The following PRELID2 variants were observed in gnomAD, a reference collection of about 807,000 sequenced individuals.
PRELID2 encodes PRELI domain-containing protein 2.
A neutral mutation model predicts 28.4 loss-of-function variants in PRELID2; 25 were observed. The ratio of observed to expected loss-of-function variants is 0.88; its 90% CI spans 0.64 to 1.23. PRELID2 has a LOEUF of 1.23. PRELID2 is among the 50% of genes most tolerant of loss of function. The pLI is 0.00. For missense variants in PRELID2, 201 were observed against 214.4 expected, an observed-to-expected ratio of 0.94 and a Z score of 0.39; for synonymous variants, 76 against 71.6, an observed-to-expected ratio of 1.06 and a Z score of -0.31.
chr5:145,319,748 C>T, the PRELID2 span, among the ~76,000 whole-genome samples: 7 of 151,660 alleles, frequency 4.6e-5, no homozygotes, highest in African/African-American at 1.7e-4. Context: ...AAAGTAACTC[C>T]ACCGATGATT....
the PRELID2 span, among the ~76,000 whole-genome samples, chr5:145,454,109 C>A: frequency 6.6e-6 from 1 of 152,282 alleles, no homozygotes. Flanking sequence ...TATTTCTCCA[C>A]ATCCTCTCCA....
chr5:145,750,610 T>C (rs1465180653), intron 1 of PRELID2, among the ~76,000 whole-genome samples: 1 of 152,216 alleles, frequency 6.6e-6, no homozygotes, highest in East Asian at 1.9e-4. Flanking sequence ...GACCAGGATA[T>C]GCTATTTCAA....
the PRELID2 span, among the ~76,000 whole-genome samples, chr5:145,317,146 G>A: frequency 6.6e-6 from 1 of 152,174 alleles, no homozygotes; most frequent in Non-Finnish European, 1.5e-5. Flanking sequence ...GCAATTTCTT[G>A]TGTTTGTCCA....
the PRELID2 span, among the ~76,000 whole-genome samples, chr5:145,434,760 G>C: frequency 9.9e-5 from 15 of 152,184 alleles, no homozygotes; most frequent in Non-Finnish European, 2.1e-4. Context: ...GTAGTGAATA[G>C]AAGAATATAT....
chr5:145,297,747 A>G, the PRELID2 span, among the ~76,000 whole-genome samples: 1 of 152,210 alleles, frequency 6.6e-6, no homozygotes, highest in East Asian at 1.9e-4. Context: ...AATCTCCTTA[A>G]GCTGATAAGC....
chr5:145,584,278 A>G lies in PRELID2; in HGVS notation n.71-110963T>C, dbSNP rs1038674950. On this transcript the variant is annotated intron_variant and non_coding_transcript_variant, in intron 1 of 2. Transcript: ENST00000510259. ...TGGACCCCTTTCTTACACCTTATACAAAAATTAACTCAAGACAGATTAAAG... is the reference window on the plus strand; with the variant it reads ...TGGACCCCTTTCTTACACCTTATACGAAAATTAACTCAAGACAGATTAAAG... Among the ~76,000 whole-genome samples the G allele has an allele frequency of 1.1e-4, 17 of 152,148 alleles. No homozygotes were observed. In the South Asian group the frequency reaches 3.5e-3, roughly 31 times the overall value.
chr5:145,436,730 A>G, the PRELID2 span, among the ~76,000 whole-genome samples: 1 of 152,174 alleles, frequency 6.6e-6, no homozygotes, highest in Non-Finnish European at 1.5e-5. Flanking sequence ...AGAATCCTGA[A>G]TGTGTGTAAG....
At chr5:145,830,616 ACT>A (rs1755518946) in intron 1 of PRELID2, among the ~76,000 whole-genome samples, 1 of 152,214 alleles carries the variant, frequency 6.6e-6, no homozygotes, top group Non-Finnish European at 1.5e-5. Flanking sequence ...ACCAAAATAC[ACT>A]GTCAAGTGCA....
chr5:145,237,377 G>A, the PRELID2 span, among the ~76,000 whole-genome samples: 2 of 152,062 alleles, frequency 1.3e-5, no homozygotes, highest in Non-Finnish European at 2.9e-5. Context: ...AAACCTCAGG[G>A]TGGGATAGCT....
intron 1 of PRELID2, among the ~76,000 whole-genome samples, chr5:145,705,939 T>TACACACAC (rs61283424): frequency 0.012 from 1,782 of 145,574 alleles, 37 homozygotes; most frequent in African/African-American, 0.037. Context: ...CATGTGCGCC[T>TACACACAC]ACACACACAC....
In PRELID2 at chr5:145,758,383, TAA is replaced by T. The variant is rs1237393957; in HGVS notation, c.*2151_*2152del. On this transcript the variant is annotated 3_prime_UTR_variant, in exon 7 of 7. Coordinates refer to ENST00000683046, the MANE Select transcript of PRELID2 (RefSeq NM_205846.3). ...AAATTAAATATTGTCTGCAAATACC[TAA>T]AAGTCACTGTAGTGTTCTTAGCTGC... 6.6e-6 allele frequency among the ~76,000 whole-genome samples: 1 copy of T among 152,104 alleles called. No homozygotes were observed. Among genetic ancestry groups the T allele is most frequent in the African/African-American group, 2.4e-5 (1 of 41,418 alleles).
intron 1 of PRELID2, among the ~76,000 whole-genome samples, chr5:145,703,372 A>G (rs947123195): frequency 6.6e-6 from 1 of 152,120 alleles, no homozygotes; most frequent in African/African-American, 2.4e-5. Context: ...TCTCCCTTCC[A>G]TAGGGATTGT....
chr5:145,322,248 CATT>C, the PRELID2 span, among the ~76,000 whole-genome samples: 3 of 152,186 alleles, frequency 2.0e-5, no homozygotes, highest in Admixed American at 6.5e-5. Context: ...GTTTATATTT[CATT>C]ATCTCAAATA....
chr5:145,659,947 A>G (rs949075242), intron 1 of PRELID2, among the ~76,000 whole-genome samples: 9 of 152,168 alleles, frequency 5.9e-5, no homozygotes, highest in Non-Finnish European at 1.3e-4. Context: ...AAAAAGACCT[A>G]CAATGCAAAA....
chr5:145,575,849 C>T (rs954518202), intron 1 of PRELID2, among the ~76,000 whole-genome samples: 1 of 152,128 alleles, frequency 6.6e-6, no homozygotes, highest in Non-Finnish European at 1.5e-5. Flanking sequence ...CTCCAGCCCA[C>T]CTTGCATCAC....
chr5:145,362,933 AC>A, the PRELID2 span, among the ~76,000 whole-genome samples: 1 of 152,102 alleles, frequency 6.6e-6, no homozygotes, highest in Admixed American at 6.6e-5. Flanking sequence ...TTGACACCAC[AC>A]CATGGGTCAC....
At chr5:145,825,960 G>GGGA (rs988788026) in intron 1 of PRELID2, 59 of 914,866 alleles carry the variant, frequency 6.4e-5, no homozygotes, top group Middle Eastern at 5.5e-4. Flanking sequence ...AGTTGAAAGA[G>GGGA]GGAAGGCTTC....
At chr5:145,337,689 A>ATATG in the PRELID2 span, among the ~76,000 whole-genome samples, 16 of 5,266 alleles carry the variant, frequency 3.0e-3, no homozygotes, top group African/African-American at 0.019. Flanking sequence ...TAGGGCAAAT[A>ATATG]TATATATATA....
intron 1 of PRELID2, among the ~76,000 whole-genome samples, chr5:145,475,542 C>T (rs1178748218): frequency 2.6e-5 from 4 of 152,104 alleles, no homozygotes; most frequent in Non-Finnish European, 4.4e-5. Flanking sequence ...ATTGTACCAA[C>T]CATTTTTGCA....
Sources: allele counts gnomAD v4.1 joint callset (sites outside exome capture counted in the v4.1 genomes callset), GRCh38; gene constraint gnomAD v4.1.1; transcripts MANE v1.5; gene names NCBI Gene and HGNC (gene_info 2026-07-23, HGNC 2026-07-21).